The following FSTL5 variants were observed in gnomAD, a reference collection of about 807,000 sequenced individuals.
FSTL5 encodes follistatin-related protein 5.
In FSTL5, 62 loss-of-function variants were observed where a neutral mutation model predicts 89.1. The ratio of observed to expected loss-of-function variants is 0.70; its 90% CI spans 0.57 to 0.86. The LOEUF (loss-of-function observed/expected upper bound fraction) is 0.86, where lower values mean the gene tolerates loss of function less well. Among genes scored for constraint, FSTL5 ranks in the 40% least tolerant of loss-of-function variants. The pLI, the probability that FSTL5 is intolerant of heterozygous loss-of-function variation, is 0.00. For synonymous variants in FSTL5, 383 were observed against 346.2 expected (o/e 1.11, Z -1.18); for missense variants, 1,057 against 1,001.6 (o/e 1.06, Z -0.75).
chr4:161,986,133 C>T (rs1235950924), intron 3 of FSTL5, among the ~76,000 whole-genome samples: 1 of 152,118 alleles, frequency 6.6e-6, no homozygotes, highest in Non-Finnish European at 1.5e-5. Flanking sequence ...TATCTGCACA[C>T]CTCATTCTCT....
intron 3 of FSTL5, among the ~76,000 whole-genome samples, chr4:161,950,242 G>T (rs1227585537): frequency 6.6e-6 from 1 of 152,108 alleles, no homozygotes; most frequent in African/African-American, 2.4e-5. Flanking sequence ...CAGCACAGCT[G>T]CCAACATTCT....
At chr4:161,602,236 TGA>T (rs1239393696) in intron 7 of FSTL5, among the ~76,000 whole-genome samples, 17 of 57,532 alleles carry the variant, frequency 3.0e-4, no homozygotes, top group Non-Finnish European at 5.3e-4. Flanking sequence ...AGTGAGAGAG[TGA>T]GAGAGAGGGA....
intron 2 of FSTL5, among the ~76,000 whole-genome samples, chr4:162,039,564 T>A (rs909727558): frequency 6.6e-6 from 1 of 151,914 alleles, no homozygotes. Context: ...TGGCATAAGT[T>A]GAGAAACTAT....
chr4:162,010,857 AT>A (rs1304377868), intron 3 of FSTL5, among the ~76,000 whole-genome samples: 1 of 152,098 alleles, frequency 6.6e-6, no homozygotes, highest in Non-Finnish European at 1.5e-5. Context: ...AAACATTTTC[AT>A]TGTTTTCATT....
chr4:161,641,627 G>A (rs1460471850), intron 7 of FSTL5, among the ~76,000 whole-genome samples: 2 of 152,034 alleles, frequency 1.3e-5, no homozygotes, highest in African/African-American at 4.8e-5. Context: ...AAGTAGCTGG[G>A]AATACAGGCA....
chr4:161,663,926 C>T (rs1429646168), intron 6 of FSTL5, among the ~76,000 whole-genome samples: 1 of 152,216 alleles, frequency 6.6e-6, no homozygotes, highest in Non-Finnish European at 1.5e-5. Context: ...GGGCTCAACA[C>T]CACGTGGAAA....
At chr4:161,732,766 A>G (rs897973487) in intron 6 of FSTL5, among the ~76,000 whole-genome samples, 1 of 151,174 alleles carries the variant, frequency 6.6e-6, no homozygotes, top group African/African-American at 2.4e-5. Flanking sequence ...CTCCTTCCTC[A>G]TTATATGGTC....
intron 3 of FSTL5, among the ~76,000 whole-genome samples, chr4:161,958,225 C>A (rs969789925): frequency 1.3e-5 from 2 of 151,854 alleles, no homozygotes; most frequent in African/African-American, 4.8e-5. Context: ...ATATTAAATT[C>A]TTTCTGTAGT....
intron 3 of FSTL5, among the ~76,000 whole-genome samples, chr4:161,926,231 C>A (rs1004754389): frequency 6.6e-6 from 1 of 151,726 alleles, no homozygotes; most frequent in African/African-American, 2.4e-5. Context: ...TCAAAAAAGG[C>A]TGCCTGACTA....
At chr4:161,650,547 A>G (rs1321832481) in intron 7 of FSTL5, among the ~76,000 whole-genome samples, 1 of 152,128 alleles carries the variant, frequency 6.6e-6, no homozygotes, top group Non-Finnish European at 1.5e-5. Context: ...CAAAGAAATA[A>G]TATTTTGGGG....
intron 1 of FSTL5, among the ~76,000 whole-genome samples, chr4:162,132,670 T>C (rs76725997): frequency 0.042 from 6,336 of 152,274 alleles, 141 homozygotes; most frequent in Admixed American, 0.049. Flanking sequence ...AAACTATCTT[T>C]GCTTCTTGAA....
intron 3 of FSTL5, among the ~76,000 whole-genome samples, chr4:161,976,726 C>A (rs1021502280): frequency 6.6e-6 from 1 of 152,120 alleles, no homozygotes; most frequent in African/African-American, 2.4e-5. Flanking sequence ...CGTGATCCAC[C>A]CGCCTCAGCC....
chr4:161,398,724 C>T (rs1229994434), intron 15 of FSTL5, among the ~76,000 whole-genome samples: 2 of 152,050 alleles, frequency 1.3e-5, no homozygotes, highest in Admixed American at 1.3e-4. Context: ...TCTTATATTC[C>T]TAATGGCAGT....
chr4:161,986,940 TA>T (rs1449629651), intron 3 of FSTL5, among the ~76,000 whole-genome samples: 3 of 152,258 alleles, frequency 2.0e-5, no homozygotes, highest in Admixed American at 2.0e-4. Flanking sequence ...ATCCTAAAAG[TA>T]TGGTATTCAA....
intron 10 of FSTL5, among the ~76,000 whole-genome samples, chr4:161,530,784 A>G (rs912627078): frequency 5.3e-5 from 8 of 152,248 alleles, no homozygotes; most frequent in Non-Finnish European, 1.0e-4. Context: ...CACTTAATGC[A>G]GCCTGTAGCT....
intron 3 of FSTL5, among the ~76,000 whole-genome samples, chr4:161,995,608 G>A (rs1046681707): frequency 9.2e-5 from 14 of 152,046 alleles, no homozygotes; most frequent in African/African-American, 3.1e-4. Context: ...TTAGCACTCC[G>A]CATCAGTGCT....
At chr4:162,127,751 A>G (rs1355596565) in intron 1 of FSTL5, among the ~76,000 whole-genome samples, 5 of 151,444 alleles carry the variant, frequency 3.3e-5, no homozygotes, top group African/African-American at 1.2e-4. Context: ...GACAGAAAAG[A>G]AAAAAAAATG....
rs957709566 is a variant in FSTL5, at chr4:162,062,619, G to T, written c.127-28961C>A. 1.1e-4 allele frequency among the ~76,000 whole-genome samples: 16 copies of T among 150,736 alleles called. No individual in the cohort carries two copies. In the East Asian group the frequency reaches 1.9e-3, roughly 18 times the overall value. On this transcript the variant is annotated intron_variant, in intron 2 of 15. Coordinates refer to ENST00000306100, the MANE Select transcript of FSTL5 (RefSeq NM_020116.5). ...ATCTTCTAAATAAGAATCCAATTTG[G>T]ATTGATTTAATTATTATAATTATTT...
chr4:161,918,795 C>T (rs1733909820), intron 4 of FSTL5, among the ~76,000 whole-genome samples: 1 of 151,980 alleles, frequency 6.6e-6, no homozygotes, highest in Admixed American at 6.6e-5. Flanking sequence ...AGGCACCCGC[C>T]ATCATGCCCA....
Sources: allele counts gnomAD v4.1 joint callset (sites outside exome capture counted in the v4.1 genomes callset), GRCh38; gene constraint gnomAD v4.1.1; transcripts MANE v1.5; gene names NCBI Gene and HGNC (gene_info 2026-07-23, HGNC 2026-07-21).